DHRS3: variants seen among roughly 807,000 people sequenced by gnomAD.
DHRS3 encodes the protein dehydrogenase/reductase 3.
DHRS3 carries 14 observed loss-of-function variants against 27.2 expected under a neutral mutation model. That is an observed-to-expected ratio of 0.52 (90% CI 0.34 to 0.81). The LOEUF (loss-of-function observed/expected upper bound fraction) is 0.81, where lower values mean the gene tolerates loss of function less well. Among genes scored for constraint, DHRS3 ranks in the 30% least tolerant of loss-of-function variants. The pLI, the probability that DHRS3 is intolerant of heterozygous loss-of-function variation, is 0.01. For missense variants in DHRS3, 322 were observed against 406.2 expected (o/e 0.79, Z 1.78); for synonymous variants, 165 against 175.9 (o/e 0.94, Z 0.49).
At chr1:12,596,071 G>C (rs972284696) in intron 1 of DHRS3, 1 of 152,448 alleles carries the variant, frequency 6.6e-6, no homozygotes, top group Non-Finnish European at 1.5e-5. Flanking sequence ...GCGCTCCTCC[G>C]CCGGCCCGAG....
intron 1 of DHRS3, chr1:12,600,282 C>T (rs2100706612): frequency 2.2e-6 from 2 of 913,768 alleles, no homozygotes; most frequent in African/African-American, 3.6e-5. Context: ...CAGGAGATAT[C>T]CCCAAAGCCA....
At position 12,594,347 on chromosome 1, in the gene DHRS3, C is replaced by A. The variant is rs1049358989; in HGVS notation, c.196-13681G>T. On this transcript the variant is annotated intron_variant, in intron 1 of 5. Coordinates refer to ENST00000616661, the MANE Select transcript of DHRS3 (RefSeq NM_004753.7). This position sits in a 1 kb window ranked among gnomAD's most constrained non-coding sequence, Gnocchi z 4.1. Reference sequence around the variant, plus strand: ...GCACTTTGGAGGCCCTGGGATCCAGCGGGGAATACATTTATCTCACTTGCG... The same window carrying A: ...GCACTTTGGAGGCCCTGGGATCCAGAGGGGAATACATTTATCTCACTTGCG... Among the ~76,000 whole-genome samples, 1 of 152,152 alleles carries A rather than the reference C, an allele frequency of 6.6e-6. No homozygotes were observed. Among genetic ancestry groups the A allele is most frequent in the Admixed American group, 6.6e-5 (1 of 15,266 alleles).
rs572865774 is a variant in DHRS3 at position 12,586,979 on chromosome 1, C to T, written c.196-6313G>A. 6.8e-6 allele frequency among the ~76,000 whole-genome samples: 1 copy of T among 147,890 alleles called. No homozygotes were observed. Among genetic ancestry groups the T allele is most frequent in the African/African-American group, 2.7e-5 (1 of 37,502 alleles). On this transcript the variant is annotated intron_variant, in intron 1 of 5. Coordinates refer to ENST00000616661, the MANE Select transcript of DHRS3 (RefSeq NM_004753.7). The surrounding 1 kb of genome is among the most constrained non-coding windows in gnomAD (Gnocchi z 5.0). ...AAATCATAGCACTGCCTCTGATACA[C>T]CCTCTTCACTGCCTCTGATACACCC...
At chr1:12,599,977 A>G (rs1461384205) in intron 1 of DHRS3, among the ~76,000 whole-genome samples, 1 of 152,208 alleles carries the variant, frequency 6.6e-6, no homozygotes, top group Non-Finnish European at 1.5e-5. Flanking sequence ...CTTTATTAAC[A>G]ACAAAGACTG....
rs201140197 is a variant in DHRS3 at position 12,584,491 on chromosome 1, AC to A, written c.196-3826del. Among the ~76,000 whole-genome samples, 437 of 82,402 alleles carry A rather than the reference AC, an allele frequency of 5.3e-3. 6 individuals are homozygous for A. The highest frequency in any genetic ancestry group is 0.038 in the East Asian group (92 of 2,414). The allele number at this position is 82,402 out of a possible 152,430, so 54.1% of individuals were successfully genotyped here. A position where few individuals can be genotyped will look rare whatever the true frequency, so the allele number is the denominator to read the frequency against. On this transcript the variant is annotated intron_variant, in intron 1 of 5. Coordinates refer to ENST00000616661, the MANE Select transcript of DHRS3 (RefSeq NM_004753.7). ...TGCCTTTCTGCCTCCTCACCCCCCC[AC>A]CCCCCAGGCCCCAATTCTATCCCGT...
chr1:12,570,318 G>A (rs747611645), intron 5 of DHRS3, among the ~76,000 whole-genome samples: 4 of 152,224 alleles, frequency 2.6e-5, no homozygotes, highest in Admixed American at 6.5e-5. Context: ...TCAAGCCTGT[G>A]GGGGCCTTCA....
intron 1 of DHRS3, among the ~76,000 whole-genome samples, chr1:12,590,639 C>T (rs1479670729): frequency 2.0e-5 from 3 of 151,606 alleles, no homozygotes; most frequent in Admixed American, 6.6e-5. Context: ...AAGACTCTGT[C>T]GCTAAAAAAA....
chr1:12,577,700 G>A (rs1646602588), intron 4 of DHRS3, among the ~76,000 whole-genome samples: 1 of 152,150 alleles, frequency 6.6e-6, no homozygotes, highest in African/African-American at 2.4e-5. Context: ...GCGCACGCCT[G>A]TAATCCCAGC....
Position 12,579,308 on chromosome 1 carries a change from G to C in DHRS3, c.444C>G (p.Thr148=), listed in dbSNP as rs1186781385. 3.7e-6 allele frequency: 6 copies of C among 1,613,988 alleles called. No individual in the cohort carries two copies. The African/African-American group carries it at 8.0e-5, about 22-fold the overall frequency. ...TAGCCCTTACCCAGAACTGGCCCAG[G>C]GTGTTGATGTGTTGGGACTTGAGGA... The part of the protein sequence containing the change: ...DALLKSQHIN[T]LGQFWTTKAF... The change falls in exon 3 of 6, where the codon ACC becomes ACG. Residue 148 remains threonine (T), a synonymous_variant. Transcript: ENST00000616661.
rs2100689603 is a variant in DHRS3 at position 12,591,061 on chromosome 1, C to T, written c.196-10395G>A. 6.6e-6 allele frequency among the ~76,000 whole-genome samples: 1 copy of T among 152,334 alleles called. No homozygotes were observed. Among genetic ancestry groups the T allele is most frequent in the South Asian group, 2.1e-4 (1 of 4,830 alleles). ...GGCTGTTTCTAGGGGAGGAGACAGA[C>T]ATAGAGCTTCGGGTTTTCCAGGCAA... On this transcript the variant is annotated intron_variant, in intron 1 of 5. Transcript: ENST00000616661. This position sits in a 1 kb window ranked among gnomAD's most constrained non-coding sequence, Gnocchi z 4.1.
At chr1:12,602,951 A>C (rs901782695) in intron 1 of DHRS3, among the ~76,000 whole-genome samples, 11 of 152,174 alleles carry the variant, frequency 7.2e-5, no homozygotes, top group African/African-American at 2.2e-4. Flanking sequence ...TGGGGTTGTC[A>C]AGGCACACTC....
At position 12,568,751 on chromosome 1, in the gene DHRS3, C is replaced by A. The variant is rs539713627; in HGVS notation, c.825-327G>T. Among the ~76,000 whole-genome samples the A allele has an allele frequency of 2.6e-5, 4 of 152,096 alleles. No homozygotes were observed. The South Asian group carries it at 8.3e-4, about 32-fold the overall frequency. On this transcript the variant is annotated intron_variant, in intron 5 of 5. Coordinates refer to ENST00000616661, the MANE Select transcript of DHRS3 (RefSeq NM_004753.7). ...GACCAGCCTGGGCAATATGGTGAAA[C>A]CCTGTCTCTACAAAAATATACAAAA...
chr1:12,604,204 C>T (rs6662695), intron 1 of DHRS3, among the ~76,000 whole-genome samples: 71,050 of 151,932 alleles, frequency 0.47, 17,099 homozygotes, highest in Admixed American at 0.54. Context: ...TCTAAGATTT[C>T]CCTTAATTTA....
chr1:12,569,202 A>C (rs1261410623), intron 5 of DHRS3, among the ~76,000 whole-genome samples: 1 of 9,040 alleles, frequency 1.1e-4, no homozygotes, highest in Admixed American at 1.3e-3. Context: ...GGGCGACAAG[A>C]GTAAAACTCT....
In DHRS3 at chr1:12,608,131, C is replaced by T. The variant is rs1323778437; in HGVS notation, c.195+9023G>A. On this transcript the variant is annotated intron_variant, in intron 1 of 5. Transcript: ENST00000616661. The surrounding 1 kb of genome is among the most constrained non-coding windows in gnomAD (Gnocchi z 4.1). ...ACGTCAAGTGATCTGCCCGCCTCGG[C>T]CTCCCACAGTGCTGGGAATACAGGA... is the stretch of plus-strand genomic sequence containing the variant. Among the ~76,000 whole-genome samples, 1 of 152,166 alleles carries T rather than the reference C, an allele frequency of 6.6e-6. No individual in the cohort carries two copies. Among genetic ancestry groups the T allele is most frequent in the African/African-American group, 2.4e-5 (1 of 41,438 alleles).
rs1226074518 is a variant in DHRS3 at position 12,593,159 on chromosome 1, C to T, written c.196-12493G>A. The stretch of plus-strand genomic sequence containing the variant: ...CTTATGACTACTGATGGCTGCCCAT[C>T]TCACAGACTGGAATCTAGTGTTTAC... On this transcript the variant is annotated intron_variant, in intron 1 of 5. Transcript: ENST00000616661. The surrounding 1 kb of genome is among the most constrained non-coding windows in gnomAD (Gnocchi z 4.6). 6.6e-6 allele frequency among the ~76,000 whole-genome samples: 1 copy of T among 152,202 alleles called. No individual in the cohort carries two copies. The highest frequency in any genetic ancestry group is 1.9e-4 in the East Asian group (1 of 5,194).
chr1:12,582,867 ATCCATCCC>A (rs1192913446), intron 1 of DHRS3, among the ~76,000 whole-genome samples: 154 of 146,854 alleles, frequency 1.0e-3, no homozygotes, highest in African/African-American at 3.7e-3. Flanking sequence ...CCATCCATCC[ATCCATCCC>A]TCCCTCCCTC....
intron 1 of DHRS3, among the ~76,000 whole-genome samples, chr1:12,616,284 T>A (rs1037538001): frequency 6.6e-6 from 1 of 152,050 alleles, no homozygotes; most frequent in Non-Finnish European, 1.5e-5. Context: ...CCTGCCTCCC[T>A]CTCCTGATGG....
intron 1 of DHRS3, among the ~76,000 whole-genome samples, chr1:12,588,802 G>T (rs553947357): frequency 7.2e-5 from 11 of 152,248 alleles, no homozygotes; most frequent in Non-Finnish European, 1.2e-4. Flanking sequence ...CATGAGCTGG[G>T]TGGTCTCTGG....
Sources: gnomAD v4.1 joint callset for allele counts (sites outside exome capture counted in the v4.1 genomes callset) on GRCh38, gnomAD v4.1.1 for gene constraint, Gnocchi (gnomAD v3.1) non-coding constraint, MANE v1.5 for transcripts, NCBI Gene and HGNC (gene_info 2026-07-23, HGNC 2026-07-21) for gene names.